SSBP2: variants seen among roughly 807,000 people sequenced by gnomAD.
The protein encoded by SSBP2 is single-stranded DNA-binding protein 2.
SSBP2 carries 17 observed loss-of-function variants against 61.8 expected under a neutral mutation model. The ratio of observed to expected loss-of-function variants is 0.28; its 90% CI spans 0.19 to 0.41. SSBP2 has a LOEUF of 0.41. Ranked by LOEUF, SSBP2 falls within the 10% of genes least tolerant of loss-of-function variation. The probability of loss-of-function intolerance (pLI) is 1.00; values close to 1 mark genes in which losing one functional copy is unlikely to be tolerated. For synonymous variants in SSBP2, 139 were observed against 141.3 expected (o/e 0.98, Z 0.12); for missense variants, 310 against 458.7 (o/e 0.68, Z 2.96).
intron 4 of SSBP2, among the ~76,000 whole-genome samples, chr5:81,537,305 G>A (rs1041848279): frequency 1.3e-5 from 2 of 151,992 alleles, no homozygotes; most frequent in Non-Finnish European, 2.9e-5. Flanking sequence ...GCTTTGAGTT[G>A]GACTGAAGAC....
Position 81,420,367 on chromosome 5 carries a change from G to T in SSBP2, c.*137C>A. The T allele has an allele frequency of 1.3e-6, 1 of 771,456 alleles. No homozygotes were observed. The highest frequency in any genetic ancestry group is 2.2e-6 in the Non-Finnish European group (1 of 453,712). The allele number at this position is 771,456 out of a possible 1,614,324, so 47.8% of individuals were successfully genotyped here. A position where few individuals can be genotyped will look rare whatever the true frequency, so the allele number is the denominator to read the frequency against. ...CTTTCTTCACAAAAGAGGGGAGAGA[G>T]CAGGAAATAAAAAGGTTGGTTTGGT... is the stretch of plus-strand genomic sequence containing the variant. On this transcript the variant is annotated 3_prime_UTR_variant, in exon 17 of 17. Coordinates refer to ENST00000320672, the MANE Select transcript of SSBP2 (RefSeq NM_012446.5).
In SSBP2 at chr5:81,481,438, A is replaced by G. The variant is rs548186217; in HGVS notation, c.433-6876T>C. ...GGAGTTCGAGACCAGCCTGGCCAACATGGTGAAACCCCATCTCTACTAAAA... is the reference window on the plus strand; with the variant it reads ...GGAGTTCGAGACCAGCCTGGCCAACGTGGTGAAACCCCATCTCTACTAAAA... On this transcript the variant is annotated intron_variant, in intron 6 of 16. Transcript: ENST00000320672. Among the ~76,000 whole-genome samples the G allele has an allele frequency of 3.1e-3, 469 of 152,132 alleles. 3 individuals are homozygous for G. The highest frequency in any genetic ancestry group is 0.011 in the African/African-American group (450 of 41,506).
At chr5:81,578,976 G>A (rs1774442525) in intron 4 of SSBP2, among the ~76,000 whole-genome samples, 1 of 151,922 alleles carries the variant, frequency 6.6e-6, no homozygotes, top group Non-Finnish European at 1.5e-5. Context: ...AATATGCCAG[G>A]TAAAGAAATC....
chr5:81,717,486 T>C (rs2153959120), intron 1 of SSBP2, among the ~76,000 whole-genome samples: 2 of 152,224 alleles, frequency 1.3e-5, no homozygotes, highest in Middle Eastern at 6.8e-3. Context: ...ATCCAAGAAA[T>C]AGTAAAAGTT....
intron 5 of SSBP2, among the ~76,000 whole-genome samples, chr5:81,504,221 T>C (rs969729268): frequency 6.6e-6 from 1 of 152,178 alleles, no homozygotes; most frequent in African/African-American, 2.4e-5. Context: ...GGTGGTATAA[T>C]AATCTCTTGT....
intron 3 of SSBP2, among the ~76,000 whole-genome samples, chr5:81,636,207 T>A (rs1012094629): frequency 2.0e-5 from 3 of 152,216 alleles, no homozygotes; most frequent in African/African-American, 7.2e-5. Flanking sequence ...AAACTGATCA[T>A]CCTGGTATTT....
rs575981272 is a variant in SSBP2, at chr5:81,734,825, G to A, written c.62+16156C>T. Among the ~76,000 whole-genome samples the A allele has an allele frequency of 2.6e-5, 4 of 152,064 alleles. No homozygotes were observed. The East Asian group carries it at 7.7e-4, about 29-fold the overall frequency. ...TCTCTACTAAAAACACAAAAAACTAGCCGGGCGTGGAGGTGGGCACCTGTA... is the reference window on the plus strand; with the variant it reads ...TCTCTACTAAAAACACAAAAAACTAACCGGGCGTGGAGGTGGGCACCTGTA... On this transcript the variant is annotated intron_variant, in intron 1 of 16. Coordinates refer to ENST00000320672, the MANE Select transcript of SSBP2 (RefSeq NM_012446.5).
chr5:81,595,909 G>C (rs1302554533), intron 4 of SSBP2, among the ~76,000 whole-genome samples: 6 of 152,240 alleles, frequency 3.9e-5, no homozygotes, highest in African/African-American at 1.4e-4. Flanking sequence ...ATACTGAATA[G>C]GCAAAAACTG....
chr5:81,741,589 G>A (rs915590528), intron 1 of SSBP2, among the ~76,000 whole-genome samples: 1 of 152,032 alleles, frequency 6.6e-6, no homozygotes, highest in African/African-American at 2.4e-5. Flanking sequence ...GTATAAAAGC[G>A]AAAAAACCTT....
In SSBP2 at chr5:81,709,345, C is replaced by A. The variant is rs538916752; in HGVS notation, c.62+41636G>T. On this transcript the variant is annotated intron_variant, in intron 1 of 16. Transcript: ENST00000320672. Reference sequence around the variant, plus strand: ...ATGCAAATAATTATTTTTCCATTTTCTTCTGATCTCTTTCACCTTTCTTTT... The same window carrying A: ...ATGCAAATAATTATTTTTCCATTTTATTCTGATCTCTTTCACCTTTCTTTT... 2.0e-5 allele frequency among the ~76,000 whole-genome samples: 3 copies of A among 152,024 alleles called. No homozygotes were observed. The South Asian group carries it at 6.2e-4, about 32-fold the overall frequency.
At chr5:81,497,586 T>C (rs1426171585) in intron 5 of SSBP2, among the ~76,000 whole-genome samples, 2 of 152,122 alleles carry the variant, frequency 1.3e-5, no homozygotes, top group African/African-American at 2.4e-5. Flanking sequence ...AATGAGAAAA[T>C]GCTTATAAAG....
intron 4 of SSBP2, among the ~76,000 whole-genome samples, chr5:81,601,487 C>T (rs917268385): frequency 1.3e-5 from 2 of 152,060 alleles, no homozygotes; most frequent in South Asian, 2.1e-4. Flanking sequence ...TAGATTATAT[C>T]GAGGTCAATA....
chr5:81,710,810 G>A, intron 1 of SSBP2: 1 of 385,748 alleles, frequency 2.6e-6, no homozygotes, highest in Non-Finnish European at 5.2e-6. Context: ...TAAGGAATAG[G>A]CAAAAATTGG....
At chr5:81,544,873 A>G (rs1771607123) in intron 4 of SSBP2, among the ~76,000 whole-genome samples, 1 of 152,196 alleles carries the variant, frequency 6.6e-6, no homozygotes, top group Non-Finnish European at 1.5e-5. Flanking sequence ...AGTGATAACA[A>G]GGTGCTTCCA....
chr5:81,517,356 G>A (rs1769117067), intron 4 of SSBP2, among the ~76,000 whole-genome samples: 1 of 146,114 alleles, frequency 6.8e-6, no homozygotes, highest in Non-Finnish European at 1.5e-5. Context: ...TTAGCCATCT[G>A]TCCTAAATTT....
chr5:81,554,227 A>G (rs1581007665), intron 4 of SSBP2, among the ~76,000 whole-genome samples: 1 of 152,064 alleles, frequency 6.6e-6, no homozygotes, highest in Admixed American at 6.6e-5. Flanking sequence ...TTTTTAGTCC[A>G]TTGTCAAACA....
chr5:81,655,141 C>A (rs977168053), intron 1 of SSBP2, among the ~76,000 whole-genome samples: 2 of 151,970 alleles, frequency 1.3e-5, no homozygotes, highest in African/African-American at 4.8e-5. Flanking sequence ...AAAGCCAGAT[C>A]TTATGTCTTA....
chr5:81,652,755 A>AT (rs59159556), intron 1 of SSBP2, among the ~76,000 whole-genome samples: 65 of 147,878 alleles, frequency 4.4e-4, no homozygotes, highest in South Asian at 1.1e-3. Context: ...GCAATCTCCA[A>AT]TTTTTTTTTT....
intron 4 of SSBP2, among the ~76,000 whole-genome samples, chr5:81,570,645 G>C (rs1463640345): frequency 6.6e-6 from 1 of 152,134 alleles, no homozygotes. Context: ...CACTTCACCA[G>C]TTAAATCATA....
Sources: allele counts gnomAD v4.1 joint callset (sites outside exome capture counted in the v4.1 genomes callset), GRCh38; gene constraint gnomAD v4.1.1; transcripts MANE v1.5; gene names NCBI Gene and HGNC (gene_info 2026-07-23, HGNC 2026-07-21).